The following AP3M1 variants were observed in gnomAD, a reference collection of about 807,000 sequenced individuals.
The protein encoded by AP3M1 is AP-3 complex subunit mu-1.
In AP3M1, 29 loss-of-function variants were observed where a neutral mutation model predicts 42.6. The ratio of observed to expected loss-of-function variants is 0.68; its 90% CI spans 0.51 to 0.93. AP3M1 has a LOEUF of 0.93. AP3M1 is among the 40% of genes least tolerant of loss of function. AP3M1 has a pLI of 0.00. For synonymous variants in AP3M1, 178 were observed against 175.3 expected (o/e 1.02, Z -0.12); for missense variants, 416 against 510.2 (o/e 0.82, Z 1.78).
At position 74,138,264 on chromosome 10, in the gene AP3M1, G is replaced by A; in HGVS notation, c.116C>T (p.Ala39Val). Residue 39 changes from alanine to valine, a missense_variant, in exon 2 of 9, where the codon GCT (alanine) becomes GTT (valine). Transcript: ENST00000355264. ...CDYFFEAQEKAADVENVPPVI... is the reference protein window; with the variant it reads ...CDYFFEAQEKVADVENVPPVI... ...AGGTGGTACATTTTCAACATCAGCA[G>A]CTTTCTCTTGAGCTTCAAAGAAATA... 1 of 1,613,908 alleles carries A rather than the reference G, an allele frequency of 6.2e-7. No individual in the cohort carries two copies. The highest frequency in any genetic ancestry group is 8.5e-7 in the Non-Finnish European group (1 of 1,179,972).
chr10:74,125,616 A>C (rs923777459), intron 7 of AP3M1, among the ~76,000 whole-genome samples: 3 of 152,218 alleles, frequency 2.0e-5, no homozygotes, highest in Admixed American at 6.5e-5. Context: ...TTTACCAGCT[A>C]ATCAGGAAGC....
intron 4 of AP3M1, among the ~76,000 whole-genome samples, chr10:74,131,174 T>G (rs1840769855): frequency 6.6e-6 from 1 of 152,042 alleles, no homozygotes; most frequent in Non-Finnish European, 1.5e-5. Flanking sequence ...TTTTTTAATT[T>G]TTTTTTTGAG....
Position 74,123,637 on chromosome 10 carries a change from C to G in AP3M1, c.*173G>C, listed in dbSNP as rs1358985331. On this transcript the variant is annotated 3_prime_UTR_variant, in exon 9 of 9. Coordinates refer to ENST00000355264, the MANE Select transcript of AP3M1 (RefSeq NM_012095.6). ...CTAAGTCACTAAAAGGTTTCCTTAG[C>G]TTAAAGCTCCTTAAGAATCCTACAT... 2 of 601,128 alleles carry G rather than the reference C, an allele frequency of 3.3e-6. No individual in the cohort carries two copies. Among genetic ancestry groups the G allele is most frequent in the Non-Finnish European group, 5.9e-6 (2 of 337,162 alleles). The allele number at this position is 601,128 out of a possible 1,614,324, so 37.2% of individuals were successfully genotyped here. A position where few individuals can be genotyped will look rare whatever the true frequency, so the allele number is the denominator to read the frequency against.
intron 1 of AP3M1, among the ~76,000 whole-genome samples, chr10:74,146,449 G>C (rs185291793): frequency 6.6e-6 from 1 of 152,340 alleles, no homozygotes; most frequent in East Asian, 1.9e-4. Context: ...GTTGGGAGAT[G>C]AGTGGTGATG....
intron 4 of AP3M1, among the ~76,000 whole-genome samples, chr10:74,133,691 C>CA (rs377143225): frequency 4.0e-3 from 578 of 145,600 alleles, no homozygotes; most frequent in African/African-American, 0.014. Flanking sequence ...TTTGTTGAGA[C>CA]AGAGCCAGGC....
At chr10:74,132,548 A>G (rs1840811133) in intron 4 of AP3M1, among the ~76,000 whole-genome samples, 1 of 151,870 alleles carries the variant, frequency 6.6e-6, no homozygotes, top group South Asian at 2.1e-4. Flanking sequence ...AATAAAAGTT[A>G]GCCAGGCATG....
Position 74,123,311 on chromosome 10 carries a change from G to C in AP3M1, c.*499C>G, listed in dbSNP as rs964617628. ...TGCTTAATGGCACAAGTGAAAAGCT[G>C]AATAAGGCAAACACTTGAAGAGGCA... On this transcript the variant is annotated 3_prime_UTR_variant, in exon 9 of 9. Coordinates refer to ENST00000355264, the MANE Select transcript of AP3M1 (RefSeq NM_012095.6). 5.7e-5 allele frequency: 9 copies of C among 157,168 alleles called. No homozygotes were observed. Among genetic ancestry groups the C allele is most frequent in the African/African-American group, 2.2e-4 (9 of 41,592 alleles). The allele number at this position is 157,168 out of a possible 1,614,324, so 9.7% of individuals were successfully genotyped here. A position where few individuals can be genotyped will look rare whatever the true frequency, so the allele number is the denominator to read the frequency against.
At chr10:74,132,852 A>G (rs1046124026) in intron 4 of AP3M1, among the ~76,000 whole-genome samples, 2 of 152,262 alleles carry the variant, frequency 1.3e-5, no homozygotes, top group African/African-American at 4.8e-5. Context: ...GTAGAGGTAC[A>G]TAGGGTAATA....
chr10:74,128,977 G>A, intron 6 of AP3M1, 131 bp downstream of exon 6: 1 of 1,063,172 alleles, frequency 9.4e-7, no homozygotes. Flanking sequence ...CGTTCTCACT[G>A]GGTCTCCTGG....
intron 1 of AP3M1, among the ~76,000 whole-genome samples, chr10:74,140,045 G>A (rs1841092972): frequency 6.6e-6 from 1 of 152,146 alleles, no homozygotes; most frequent in Non-Finnish European, 1.5e-5. Context: ...GAACGGGGTG[G>A]GGTGCGCCAT....
chr10:74,128,100 TAAAAAAAAAA>T (rs754897677), intron 6 of AP3M1, among the ~76,000 whole-genome samples: 1 of 68,444 alleles, frequency 1.5e-5, no homozygotes, highest in Admixed American at 1.7e-4. Context: ...AACTCCGGCT[TAAAAAAAAAA>T]AAAAAAAAAA....
intron 1 of AP3M1, among the ~76,000 whole-genome samples, chr10:74,140,000 C>T (rs1158049257): frequency 1.3e-5 from 2 of 151,618 alleles, no homozygotes; most frequent in African/African-American, 2.4e-5. Context: ...AAAAGATCAA[C>T]AGCCAAAACA....
At position 74,126,510 on chromosome 10, in the gene AP3M1, G is replaced by A. The variant is rs956673450; in HGVS notation, c.804-155C>T. On this transcript the variant is annotated intron_variant, in intron 6 of 8. Coordinates refer to ENST00000355264, the MANE Select transcript of AP3M1 (RefSeq NM_012095.6). ...ACAGAGTTGGCTCTCTGTAGCCACA[G>A]TTCTGCATCCTTGAATTTGACCAGC... Among the ~76,000 whole-genome samples the A allele has an allele frequency of 5.3e-5, 8 of 152,124 alleles. No individual in the cohort carries two copies. In the East Asian group the frequency reaches 1.2e-3, roughly 22 times the overall value.
intron 2 of AP3M1, among the ~76,000 whole-genome samples, chr10:74,137,175 G>A (rs1015139583): frequency 2.0e-5 from 3 of 152,188 alleles, no homozygotes; most frequent in African/African-American, 7.2e-5. Flanking sequence ...GGGAGGCGGA[G>A]GTTGCGGTGA....
At chr10:74,149,433 G>A (rs1364355322) in intron 1 of AP3M1, among the ~76,000 whole-genome samples, 2 of 151,634 alleles carry the variant, frequency 1.3e-5, no homozygotes, top group Non-Finnish European at 2.9e-5. Context: ...GGGACTACAG[G>A]CGTGTGCCAC....
chr10:74,127,064 C>T (rs184229871), intron 6 of AP3M1, among the ~76,000 whole-genome samples: 1 of 146,030 alleles, frequency 6.8e-6, no homozygotes, highest in Non-Finnish European at 1.5e-5. Flanking sequence ...CAATTATTTA[C>T]ACAGTGTTTA....
intron 1 of AP3M1, among the ~76,000 whole-genome samples, chr10:74,140,835 A>G (rs574073249): frequency 6.6e-6 from 1 of 152,206 alleles, no homozygotes; most frequent in Non-Finnish European, 1.5e-5. Flanking sequence ...CTGGATTTCC[A>G]CATACAAAAG....
At chr10:74,125,574 G>A (rs1659281389) in intron 7 of AP3M1, among the ~76,000 whole-genome samples, 1 of 152,136 alleles carries the variant, frequency 6.6e-6, no homozygotes, top group Admixed American at 6.5e-5. Flanking sequence ...TTATCAGGTA[G>A]CTCAATGACT....
chr10:74,138,109 G>A lies in AP3M1; in HGVS notation c.271C>T (p.Gln91Ter). 6.2e-7 allele frequency: 1 copy of A among 1,612,794 alleles called. No homozygotes were observed. The highest frequency in any genetic ancestry group is 8.5e-7 in the Non-Finnish European group (1 of 1,179,300). The stretch of plus-strand genomic sequence containing the variant: ...GAAAGGTATGATAGATAACCAACCT[G>A]AAAAGTGTCAGCAACTCGATGTAGG... Reference protein sequence around the residue: ...EFLHRVADTFQDYFGECSEAA... With the variant: ...EFLHRVADTF The change falls in exon 2 of 9, where the codon CAG (glutamine) becomes TAG (stop). Residue 91 changes from glutamine to a stop codon, truncating the protein, a stop_gained and splice_region_variant. Coordinates refer to ENST00000355264, the MANE Select transcript of AP3M1 (RefSeq NM_012095.6). LOFTEE classifies it high-confidence loss of function.
Sources: allele counts gnomAD v4.1 joint callset (sites outside exome capture counted in the v4.1 genomes callset), GRCh38; gene constraint gnomAD v4.1.1; transcripts MANE v1.5; gene names NCBI Gene and HGNC (gene_info 2026-07-23, HGNC 2026-07-21).